The following PRMT8 variants were observed in gnomAD, a reference collection of about 807,000 sequenced individuals.
PRMT8 encodes protein arginine methyltransferase 8, also known as protein arginine N-methyltransferase 8.
A neutral mutation model predicts 47.1 loss-of-function variants in PRMT8; 7 were observed. That is an observed-to-expected ratio of 0.15 (90% CI 0.08 to 0.28). PRMT8 has a LOEUF of 0.28. Ranked by LOEUF, PRMT8 falls within the 10% of genes least tolerant of loss-of-function variation. The pLI is 1.00. For missense variants in PRMT8, 237 were observed against 505.4 expected, an observed-to-expected ratio of 0.47 and a Z score of 5.09; for synonymous variants, 188 against 186.5, an observed-to-expected ratio of 1.01 and a Z score of -0.07.
At chr12:3,498,099 C>G (rs1865536189) in intron 1 of PRMT8, among the ~76,000 whole-genome samples, 2 of 152,188 alleles carry the variant, frequency 1.3e-5, no homozygotes, top group African/African-American at 4.8e-5. Context: ...AGTGAGAGCT[C>G]TGACCTTCTT....
chr12:3,412,861 C>T (rs1358970444), intron 1 of PRMT8, among the ~76,000 whole-genome samples: 1 of 152,192 alleles, frequency 6.6e-6, no homozygotes, highest in African/African-American at 2.4e-5. Context: ...GATCCACCCA[C>T]CTTGGCCGCC....
At chr12:3,491,832 CTGTGTGTGTGTGTGTGTGTG>C (rs531683101) in intron 1 of PRMT8, 132 bp downstream of exon 1, 26 of 536,346 alleles carry the variant, frequency 4.8e-5, no homozygotes, top group African/African-American at 4.7e-4. Context: ...CGGCCTCCTC[CTGTGTGTGTGTGTGTGTGTG>C]TGTGTGTGTG....
At chr12:3,397,903 T>C (rs1864273943) in intron 1 of PRMT8, among the ~76,000 whole-genome samples, 1 of 152,134 alleles carries the variant, frequency 6.6e-6, no homozygotes, top group African/African-American at 2.4e-5. Context: ...GTGTGGGATG[T>C]AATCTCCTGG....
chr12:3,450,506 G>T (rs1222950177), intron 1 of PRMT8, among the ~76,000 whole-genome samples: 3 of 152,172 alleles, frequency 2.0e-5, no homozygotes, highest in African/African-American at 4.8e-5. Flanking sequence ...GAAAGCTCAG[G>T]TTGTATCATT....
In PRMT8 at chr12:3,580,671, T is replaced by G. The variant is rs1478108617; in HGVS notation, c.829-2387T>G. Reference sequence around the variant, plus strand: ...TCGGCCAGGGCAAGGGCGAAGGTGGTGAGACTGCGATATGAGCCAGAAGTG... The same window carrying G: ...TCGGCCAGGGCAAGGGCGAAGGTGGGGAGACTGCGATATGAGCCAGAAGTG... On this transcript the variant is annotated intron_variant, in intron 7 of 9. Transcript: ENST00000382622. The surrounding 1 kb of genome is among the most constrained non-coding windows in gnomAD (Gnocchi z 4.6). Among the ~76,000 whole-genome samples the G allele has an allele frequency of 2.0e-5, 3 of 151,980 alleles. No individual in the cohort carries two copies. The highest frequency in any genetic ancestry group is 1.5e-5 in the Non-Finnish European group (1 of 67,984).
In PRMT8 at chr12:3,593,353, A is replaced by G. The variant is rs1867354044; in HGVS notation, c.*171A>G. On this transcript the variant is annotated 3_prime_UTR_variant, in exon 10 of 10. Coordinates refer to ENST00000382622, the MANE Select transcript of PRMT8 (RefSeq NM_019854.5). The surrounding 1 kb of genome is among the most constrained non-coding windows in gnomAD (Gnocchi z 4.8). Reference sequence around the variant, plus strand: ...GCTCCCGTGGGCTCTGCCACTGGACAGAAGGCCTCCAGCTCCTCCGCTCTG... The same window carrying G: ...GCTCCCGTGGGCTCTGCCACTGGACGGAAGGCCTCCAGCTCCTCCGCTCTG... The G allele has an allele frequency of 3.3e-6, 2 of 600,864 alleles. No homozygotes were observed. The highest frequency in any genetic ancestry group is 2.9e-6 in the Non-Finnish European group (1 of 345,290). 37.2% of individuals were successfully genotyped at this position (600,864 alleles called of 1,614,324 possible). A position where few individuals can be genotyped will look rare whatever the true frequency, so the allele number is the denominator to read the frequency against.
intron 8 of PRMT8, among the ~76,000 whole-genome samples, chr12:3,585,379 G>T (rs2137231803): frequency 1.0e-5 from 1 of 97,914 alleles, no homozygotes. Flanking sequence ...TTTTCTCAGA[G>T]ACAAGGTCTC....
At chr12:3,465,180 TATATTTTATAA>T (rs1182191663) in intron 1 of PRMT8, among the ~76,000 whole-genome samples, 5 of 144,440 alleles carry the variant, frequency 3.5e-5, no homozygotes, top group African/African-American at 1.3e-4. Context: ...TATTTATATA[TATATTTTATAA>T]ATATAAATAT....
At chr12:3,385,332 C>T (rs1407419231) in intron 1 of PRMT8, among the ~76,000 whole-genome samples, 1 of 152,174 alleles carries the variant, frequency 6.6e-6, no homozygotes, top group Non-Finnish European at 1.5e-5. Flanking sequence ...ACCACTTCCC[C>T]AGGAAAGTAA....
intron 1 of PRMT8, among the ~76,000 whole-genome samples, chr12:3,479,028 C>T (rs936170127): frequency 3.3e-5 from 5 of 152,236 alleles, no homozygotes; most frequent in African/African-American, 1.2e-4. Flanking sequence ...GGCGGCCTCA[C>T]GGGTGACCAG....
At chr12:3,485,690 T>C (rs1252821774) in intron 1 of PRMT8, among the ~76,000 whole-genome samples, 1 of 152,208 alleles carries the variant, frequency 6.6e-6, no homozygotes, top group African/African-American at 2.4e-5. Flanking sequence ...TTCTGAGTAA[T>C]GTATATAACA....
At chr12:3,450,897 C>T (rs1864909563) in intron 1 of PRMT8, among the ~76,000 whole-genome samples, 1 of 152,176 alleles carries the variant, frequency 6.6e-6, no homozygotes, top group Non-Finnish European at 1.5e-5. Context: ...ACTAGAAACA[C>T]AAGTACTGCC....
At position 3,427,806 on chromosome 12, in the gene PRMT8, T is replaced by G. The variant is rs182754192; in HGVS notation, c.48+46364T>G. 3.3e-5 allele frequency among the ~76,000 whole-genome samples: 5 copies of G among 152,310 alleles called. No homozygotes were observed. In the East Asian group the frequency reaches 9.6e-4, roughly 29 times the overall value. ...GACAAGAATTTACCATATAACTTTT[T>G]TTTACATAAATTCTGCTCCCCCTCT... On this transcript the variant is annotated intron_variant, in intron 1 of 9. Transcript: ENST00000452611.
intron 1 of PRMT8, among the ~76,000 whole-genome samples, chr12:3,533,503 C>G (rs1866067555): frequency 6.6e-6 from 1 of 152,206 alleles, no homozygotes; most frequent in South Asian, 2.1e-4. Context: ...ATGGGTGGCC[C>G]AAGACCATTC....
chr12:3,426,716 A>G (rs1864608723), intron 1 of PRMT8, among the ~76,000 whole-genome samples: 1 of 152,256 alleles, frequency 6.6e-6, no homozygotes, highest in African/African-American at 2.4e-5. Context: ...CATAGAATAG[A>G]TGAAAGAGAG....
chr12:3,388,586 T>G (rs990994852), intron 1 of PRMT8, among the ~76,000 whole-genome samples: 1 of 152,204 alleles, frequency 6.6e-6, no homozygotes, highest in Non-Finnish European at 1.5e-5. Context: ...AGTCTCACTA[T>G]AACCCTGTGA....
intron 1 of PRMT8, among the ~76,000 whole-genome samples, chr12:3,425,712 TGA>T (rs1864596859): frequency 6.6e-6 from 1 of 152,260 alleles, no homozygotes; most frequent in African/African-American, 2.4e-5. Context: ...TAAATAGATG[TGA>T]GTGTCGAAAG....
intron 1 of PRMT8, chr12:3,463,253 C>G (rs1265077351): frequency 6.6e-6 from 1 of 152,136 alleles, no homozygotes. Flanking sequence ...AATTGTGTTA[C>G]CCTGAGAATT....
At chr12:3,458,562 A>C (rs1865001244) in intron 1 of PRMT8, among the ~76,000 whole-genome samples, 1 of 152,244 alleles carries the variant, frequency 6.6e-6, no homozygotes, top group Admixed American at 6.5e-5. Flanking sequence ...AACAGCAGCC[A>C]GTCCCAAAAG....
Sources: gnomAD v4.1 joint callset for allele counts (sites outside exome capture counted in the v4.1 genomes callset) on GRCh38, gnomAD v4.1.1 for gene constraint, Gnocchi (gnomAD v3.1) non-coding constraint, MANE v1.5 for transcripts, NCBI Gene and HGNC (gene_info 2026-07-23, HGNC 2026-07-21) for gene names.